ATP11B: variants seen among roughly 807,000 people sequenced by gnomAD.
ATP11B encodes phospholipid-transporting ATPase IF.
A neutral mutation model predicts 157.8 loss-of-function variants in ATP11B; 81 were observed. The observed-to-expected ratio is 0.51, with a 90% confidence interval of 0.43 to 0.62. The LOEUF (loss-of-function observed/expected upper bound fraction) is 0.62. Among genes scored for constraint, ATP11B ranks in the 20% least tolerant of loss-of-function variants. ATP11B has a pLI of 0.00. For missense variants in ATP11B, 1,165 were observed against 1,402.2 expected (o/e 0.83, Z 2.70); for synonymous variants, 451 against 469.4 (o/e 0.96, Z 0.51).
rs761202394 is a variant in ATP11B at position 182,811,291 on chromosome 3, T to C, written c.28-8969T>C. The stretch of plus-strand genomic sequence containing the variant: ...CATTCCTGGAAAATTCATAAATCCA[T>C]ATAAAATTTTTTTGTTTATGTTCAA... On this transcript the variant is annotated intron_variant, in intron 1 of 29. Transcript: ENST00000323116. Among the ~76,000 whole-genome samples, 3 of 152,328 alleles carry C rather than the reference T, an allele frequency of 2.0e-5. No homozygotes were observed. The South Asian group carries it at 6.2e-4, about 32-fold the overall frequency.
intron 25 of ATP11B, among the ~76,000 whole-genome samples, chr3:182,895,468 A>C (rs1432762088): frequency 6.6e-6 from 1 of 152,218 alleles, no homozygotes; most frequent in Non-Finnish European, 1.5e-5. Flanking sequence ...CTCATTTTAC[A>C]AATGAAGAAA....
intron 21 of ATP11B, among the ~76,000 whole-genome samples, chr3:182,882,976 C>T (rs188182632): frequency 1.4e-4 from 21 of 152,218 alleles, no homozygotes; most frequent in Admixed American, 2.6e-4. Flanking sequence ...GTTAAAATTG[C>T]CTGTCAGATT....
intron 1 of ATP11B, among the ~76,000 whole-genome samples, chr3:182,817,863 ACTTTT>A (rs983992232): frequency 3.9e-5 from 6 of 152,096 alleles, no homozygotes; most frequent in South Asian, 2.1e-4. Context: ...AAAAAATTAA[ACTTTT>A]CTTTAAGTGG....
At chr3:182,819,047 A>G (rs2108497298) in intron 1 of ATP11B, among the ~76,000 whole-genome samples, 1 of 151,238 alleles carries the variant, frequency 6.6e-6, no homozygotes, top group East Asian at 1.9e-4. Context: ...AAGATCTGCC[A>G]AAAGAGTCTT....
At chr3:182,824,147 C>A (rs1429452448) in intron 2 of ATP11B, among the ~76,000 whole-genome samples, 3 of 152,052 alleles carry the variant, frequency 2.0e-5, no homozygotes, top group African/African-American at 7.2e-5. Flanking sequence ...TTTGTTGTTG[C>A]AAGTATTAGT....
At position 182,867,126 on chromosome 3, in the gene ATP11B, G is replaced by A. The variant is rs182828406; in HGVS notation, c.1620-250G>A. On this transcript the variant is annotated intron_variant, in intron 14 of 29. Transcript: ENST00000323116. ...GTATTTTTAGTAGAGATTGGGTTTC[G>A]CCATGTTAGCCAGACTGGTCTTGAA... Among the ~76,000 whole-genome samples the A allele has an allele frequency of 3.3e-3, 506 of 151,262 alleles. 6 individuals are homozygous for A. Among genetic ancestry groups the A allele is most frequent in the African/African-American group, 0.012 (486 of 41,078 alleles).
intron 8 of ATP11B, 69 bp downstream of exon 8, chr3:182,842,191 CA>C: frequency 9.2e-7 from 1 of 1,088,274 alleles, no homozygotes; most frequent in South Asian, 1.3e-5. Context: ...CTAGAAGTTC[CA>C]AAGGGAGATT....
chr3:182,859,948 C>CTTT (rs5854959), intron 12 of ATP11B, among the ~76,000 whole-genome samples: 1 of 144,288 alleles, frequency 6.9e-6, no homozygotes, highest in African/African-American at 2.5e-5. Context: ...CCCTGCCTTC[C>CTTT]TTTTTTTTTT....
At chr3:182,881,208 G>A (rs992126327) in intron 21 of ATP11B, among the ~76,000 whole-genome samples, 6 of 152,338 alleles carry the variant, frequency 3.9e-5, no homozygotes, top group Middle Eastern at 3.4e-3. Flanking sequence ...GGTTGAGGCA[G>A]GCAGATCACG....
rs916766624 is a variant in ATP11B at position 182,913,488 on chromosome 3, C to T, written c.3319-373C>T. 5.3e-5 allele frequency among the ~76,000 whole-genome samples: 8 copies of T among 152,288 alleles called. No individual in the cohort carries two copies. The South Asian group carries it at 1.5e-3, about 28-fold the overall frequency. On this transcript the variant is annotated intron_variant, in intron 28 of 29. Transcript: ENST00000323116. ...GGCTAGACATTTTTAATTGAAATTG[C>T]AGGAGCATTTCACCTAAAGAAAAAC...
chr3:182,822,261 C>T (rs549148905), intron 2 of ATP11B, among the ~76,000 whole-genome samples: 17 of 152,224 alleles, frequency 1.1e-4, no homozygotes, highest in African/African-American at 4.1e-4. Flanking sequence ...AATGCTATCC[C>T]TCCCCCTGCC....
intron 7 of ATP11B, among the ~76,000 whole-genome samples, chr3:182,837,720 TCA>T (rs1718664645): frequency 6.6e-6 from 1 of 152,074 alleles, no homozygotes; most frequent in Non-Finnish European, 1.5e-5. Flanking sequence ...TTATTATCTA[TCA>T]CAGTGAACAC....
At chr3:182,852,416 A>G (rs1181883804) in intron 10 of ATP11B, among the ~76,000 whole-genome samples, 1 of 152,222 alleles carries the variant, frequency 6.6e-6, no homozygotes, top group Non-Finnish European at 1.5e-5. Flanking sequence ...TAGATGCTAC[A>G]CATATCCAAG....
At chr3:182,912,786 CATGGTG>C (rs992463381) in intron 28 of ATP11B, among the ~76,000 whole-genome samples, 19 of 152,338 alleles carry the variant, frequency 1.2e-4, no homozygotes, top group African/African-American at 4.3e-4. Context: ...GCACCCAGCA[CATGGTG>C]ATTCCCAACC....
At chr3:182,900,914 G>T (rs1015391041) in intron 28 of ATP11B, among the ~76,000 whole-genome samples, 1 of 152,062 alleles carries the variant, frequency 6.6e-6, no homozygotes, top group African/African-American at 2.4e-5. Flanking sequence ...AGGCATGGTG[G>T]CTCACGCTTG....
chr3:182,813,022 C>G (rs1385373464), intron 1 of ATP11B, among the ~76,000 whole-genome samples: 2 of 152,180 alleles, frequency 1.3e-5, no homozygotes, highest in Admixed American at 1.3e-4. Context: ...TAAGGTTGAT[C>G]CATATTGCAG....
At chr3:182,896,064 G>C (rs1396629007) in intron 25 of ATP11B, among the ~76,000 whole-genome samples, 1 of 152,144 alleles carries the variant, frequency 6.6e-6, no homozygotes, top group African/African-American at 2.4e-5. Flanking sequence ...TTAAACTTCT[G>C]GTTGTATTCT....
At chr3:182,915,255 T>C in intron 29 of ATP11B, 1 of 985,382 alleles carries the variant, frequency 1.0e-6, no homozygotes, top group Non-Finnish European at 1.2e-6. Flanking sequence ...GTTAACATAA[T>C]GTCTGTGGTT....
chr3:182,860,589 G>A (rs1474715846), intron 12 of ATP11B, among the ~76,000 whole-genome samples: 1 of 152,060 alleles, frequency 6.6e-6, no homozygotes, highest in East Asian at 1.9e-4. Flanking sequence ...TTGATAACAT[G>A]TCTTTCTATG....
Sources: gnomAD v4.1 joint callset for allele counts (sites outside exome capture counted in the v4.1 genomes callset) on GRCh38, gnomAD v4.1.1 for gene constraint, MANE v1.5 for transcripts, NCBI Gene and HGNC (gene_info 2026-07-23, HGNC 2026-07-21) for gene names.